The following INTS3 variants were observed in gnomAD, a reference collection of about 807,000 sequenced individuals.
INTS3 encodes SOSS complex subunit A.
In INTS3, 34 loss-of-function variants were observed where a neutral mutation model predicts 146.3. The ratio of observed to expected loss-of-function variants is 0.23; its 90% CI spans 0.18 to 0.31. The LOEUF is 0.31. INTS3 is among the 10% of genes least tolerant of loss of function. The probability of loss-of-function intolerance (pLI) is 1.00; values close to 1 mark genes in which losing one functional copy is unlikely to be tolerated. For synonymous variants in INTS3, 475 were observed against 494.9 expected (o/e 0.96, Z 0.53); for missense variants, 757 against 1,304.2 (o/e 0.58, Z 6.46).
intron 21 of INTS3, 70 bp downstream of exon 21, chr1:153,767,897 ACAC>A: frequency 6.9e-7 from 1 of 1,459,322 alleles, no homozygotes; most frequent in Non-Finnish European, 9.2e-7. Context: ...CTCTGAGTAC[ACAC>A]AACCCTGAAC....
chr1:153,748,230 A>G (rs1268417956), intron 5 of INTS3: 11 of 172,646 alleles, frequency 6.4e-5, no homozygotes. Context: ...CATAGCAAGC[A>G]CTAAAGACTG....
Position 153,772,757 on chromosome 1 carries a change from GC to G in INTS3, c.2894+48del. On this transcript the variant is annotated intron_variant, in intron 28 of 29. Coordinates refer to ENST00000318967, the MANE Select transcript of INTS3 (RefSeq NM_023015.5). This position sits in a 1 kb window ranked among gnomAD's most constrained non-coding sequence, Gnocchi z 4.6. The stretch of plus-strand genomic sequence containing the variant: ...GGCCTTGGAAAGTAGTAGGGGAAAA[GC>G]CTAAGGGAGAGGAAGCCTGCTAGGG... 1 of 1,602,910 alleles carries G rather than the reference GC, an allele frequency of 6.2e-7. No homozygotes were observed. The highest frequency in any genetic ancestry group is 8.5e-7 in the Non-Finnish European group (1 of 1,174,034).
chr1:153,772,696 A>G lies in INTS3; in HGVS notation c.2879A>G (p.Glu960Gly), dbSNP rs1331190829. The change falls in exon 28 of 30, where the codon GAA (glutamate) becomes GGA (glycine). Residue 960 changes from glutamate (E) to glycine (G), a missense_variant. Transcript: ENST00000318967. This position sits in a 1 kb window ranked among gnomAD's most constrained non-coding sequence, Gnocchi z 4.6. ...CAGCATGTCCAAGCGAGCTGTGACG[A>G]AGCCCACAAGATGAAGTGAGGCTCC... ...ALQHVQASCDEAHKMKFSDLF... is the reference protein window; with the variant it reads ...ALQHVQASCDGAHKMKFSDLF... 1.9e-6 allele frequency: 3 copies of G among 1,614,026 alleles called. No individual in the cohort carries two copies. Among genetic ancestry groups the G allele is most frequent in the Non-Finnish European group, 1.7e-6 (2 of 1,179,916 alleles).
chr1:153,747,193 T>C, intron 4 of INTS3, 86 bp from the exon 5 acceptor site: 1 of 1,328,476 alleles, frequency 7.5e-7, no homozygotes, highest in Non-Finnish European at 1.1e-6. Flanking sequence ...TAAATTGTAA[T>C]GTGCTCCTTT....
At chr1:153,729,346 A>C (rs1670977149) in intron 1 of INTS3, among the ~76,000 whole-genome samples, 1 of 152,178 alleles carries the variant, frequency 6.6e-6, no homozygotes, top group African/African-American at 2.4e-5. Flanking sequence ...AGTGGGGTGA[A>C]TGGTACCTAG....
rs1458556481 is a variant in INTS3 at position 153,767,706 on chromosome 1, A to C, written c.2123A>C (p.Glu708Ala). Residue 708 changes from glutamate to alanine, a missense_variant, in exon 21 of 30, where the codon GAG (glutamate) becomes GCG (alanine). Physicochemically the swap from Glu to Ala is moderately radical, Grantham distance 107. Transcript: ENST00000318967. ...GCCGCAGGGAAGATGAACCTGTACG[A>C]GTCATTTGCCCAGGCTACCCAGCTG... The part of the protein sequence containing the change: ...KAAAGKMNLY[E>A]SFAQATQLGD... The C allele has an allele frequency of 6.2e-7, 1 of 1,610,508 alleles. No homozygotes were observed. The highest frequency in any genetic ancestry group is 8.5e-7 in the Non-Finnish European group (1 of 1,177,840).
At chr1:153,743,423 A>G (rs1250462247) in intron 3 of INTS3, among the ~76,000 whole-genome samples, 1 of 152,196 alleles carries the variant, frequency 6.6e-6, no homozygotes, top group Admixed American at 6.5e-5. Flanking sequence ...AGGAAGGTTG[A>G]GCTGAGGAGC....
In INTS3 at chr1:153,772,026, T is replaced by G; in HGVS notation, c.2720+63T>G. 8.0e-7 allele frequency: 1 copy of G among 1,245,518 alleles called. No homozygotes were observed. Among genetic ancestry groups the G allele is most frequent in the Non-Finnish European group, 1.1e-6 (1 of 908,490 alleles). The allele number at this position is 1,245,518 out of a possible 1,614,324, so 77.2% of individuals were successfully genotyped here. On this transcript the variant is annotated intron_variant, in intron 26 of 29. Coordinates refer to ENST00000318967, the MANE Select transcript of INTS3 (RefSeq NM_023015.5). This position sits in a 1 kb window ranked among gnomAD's most constrained non-coding sequence, Gnocchi z 4.6. ...GGTCTGCAGTGATTGCTGTCGGTGG[T>G]GGTGGTGGTGGTGGTGGTGGTGGTG...
Position 153,772,281 on chromosome 1 carries a change from T to G in INTS3, c.2721-59T>G. The G allele has an allele frequency of 4.5e-6, 7 of 1,564,464 alleles. No individual in the cohort carries two copies. The highest frequency in any genetic ancestry group is 1.8e-4 in the Middle Eastern group (1 of 5,686). The stretch of plus-strand genomic sequence containing the variant: ...TAAGGGGGCCCTGGCGGGTGGAGGG[T>G]GTCTCGCACTCTGGAACCCTCCCAC... On this transcript the variant is annotated intron_variant, in intron 26 of 29. Coordinates refer to ENST00000318967, the MANE Select transcript of INTS3 (RefSeq NM_023015.5). This position sits in a 1 kb window ranked among gnomAD's most constrained non-coding sequence, Gnocchi z 4.6.
intron 3 of INTS3, 93 bp from the exon 4 acceptor site, chr1:153,746,864 G>T: frequency 2.8e-6 from 2 of 715,628 alleles, no homozygotes; most frequent in Non-Finnish European, 2.5e-6. Context: ...TGTTATTTAA[G>T]TTTAAGGGAT....
rs1161269799 is a variant in INTS3, at chr1:153,763,685, G to C, written c.1767-147G>C. On this transcript the variant is annotated intron_variant, in intron 16 of 29. Coordinates refer to ENST00000318967, the MANE Select transcript of INTS3 (RefSeq NM_023015.5). ...AGAGAGCAGCCAATTCTGCCCTAAAGCCTCCCCATCCAAGCTGGGATTTTA... is the reference window on the plus strand; with the variant it reads ...AGAGAGCAGCCAATTCTGCCCTAAACCCTCCCCATCCAAGCTGGGATTTTA... 4 of 735,458 alleles carry C rather than the reference G, an allele frequency of 5.4e-6. No homozygotes were observed. The Admixed American group carries it at 7.6e-5, about 14-fold the overall frequency. 45.6% of individuals were successfully genotyped at this position (735,458 alleles called of 1,614,324 possible).
At chr1:153,733,149 G>A (rs1206704394) in intron 1 of INTS3, among the ~76,000 whole-genome samples, 1 of 127,298 alleles carries the variant, frequency 7.9e-6, no homozygotes, top group African/African-American at 2.9e-5. Context: ...CCAGAATTTA[G>A]TCTTTTAAGG....
At position 153,774,779 on chromosome 1, in the gene INTS3, CTG is replaced by C. The variant is rs1406028421; in HGVS notation, c.*1511_*1512del. The C allele has an allele frequency of 1.0e-5, 3 of 292,768 alleles. No individual in the cohort carries two copies. Among genetic ancestry groups the C allele is most frequent in the Non-Finnish European group, 1.9e-5 (3 of 157,086 alleles). The allele number at this position is 292,768 out of a possible 1,614,324, so 18.1% of individuals were successfully genotyped here. ...TTCCTCTCTCCTTCCCCAGTTTCCTCTGTCCCAATTAAAACCAGGATGGAGAG... is the reference window on the plus strand; with the variant it reads ...TTCCTCTCTCCTTCCCCAGTTTCCTCTCCCAATTAAAACCAGGATGGAGAG... On this transcript the variant is annotated 3_prime_UTR_variant, in exon 30 of 30. Transcript: ENST00000318967.
intron 22 of INTS3, 103 bp from the exon 23 acceptor site, chr1:153,769,666 A>ATTT: frequency 1.8e-6 from 1 of 571,222 alleles, no homozygotes; most frequent in Non-Finnish European, 3.2e-6. Context: ...ACTTCCTCTA[A>ATTT]TTTTTTTTTT....
intron 21 of INTS3, among the ~76,000 whole-genome samples, chr1:153,768,516 A>T (rs992316991): frequency 6.6e-6 from 1 of 152,194 alleles, no homozygotes; most frequent in Non-Finnish European, 1.5e-5. Context: ...CACAGGTTGG[A>T]CTTCTTTGCT....
At position 153,772,568 on chromosome 1, in the gene INTS3, T is replaced by C; in HGVS notation, c.2822-71T>C. 1 of 1,611,762 alleles carries C rather than the reference T, an allele frequency of 6.2e-7. No homozygotes were observed. The highest frequency in any genetic ancestry group is 2.2e-5 in the East Asian group (1 of 44,792). ...CCCACACTCGGGATAAAACAACCTG[T>C]GCGTGCTGTTTAATAAGCTCCCAGA... On this transcript the variant is annotated intron_variant, in intron 27 of 29. Coordinates refer to ENST00000318967, the MANE Select transcript of INTS3 (RefSeq NM_023015.5). The surrounding 1 kb of genome is among the most constrained non-coding windows in gnomAD (Gnocchi z 4.6).
chr1:153,761,248 T>G (rs1672371181), intron 13 of INTS3: 1 of 523,168 alleles, frequency 1.9e-6, no homozygotes, highest in Non-Finnish European at 3.2e-6. Context: ...CAGTGGCTCA[T>G]GCCTGTAATC....
chr1:153,755,933 G>A (rs1489300214), intron 9 of INTS3, among the ~76,000 whole-genome samples: 3 of 152,144 alleles, frequency 2.0e-5, no homozygotes, highest in Non-Finnish European at 4.4e-5. Context: ...CCAGCTACTT[G>A]GGAGGCTGAG....
intron 10 of INTS3, among the ~76,000 whole-genome samples, chr1:153,758,196 C>T (rs1672233531): frequency 6.6e-6 from 1 of 152,178 alleles, no homozygotes; most frequent in Non-Finnish European, 1.5e-5. Flanking sequence ...GAGGCATTTC[C>T]TTTCAAATGT....
Sources: gnomAD v4.1 joint callset for allele counts (sites outside exome capture counted in the v4.1 genomes callset) on GRCh38, gnomAD v4.1.1 for gene constraint, Gnocchi (gnomAD v3.1) non-coding constraint, MANE v1.5 for transcripts, NCBI Gene and HGNC (gene_info 2026-07-23, HGNC 2026-07-21) for gene names.